Variants in NUBPL observed in about 807,000 individuals in gnomAD.
The protein encoded by NUBPL is NUBP iron-sulfur cluster assembly factor, mitochondrial.
Under a neutral mutation model 45.7 loss-of-function variants are expected in NUBPL, and 31 were observed. The ratio of observed to expected loss-of-function variants is 0.68; its 90% confidence interval spans 0.51 to 0.92. The LOEUF (loss-of-function observed/expected upper bound fraction) is 0.92, where lower values mean the gene tolerates loss of function less well. Ranked by LOEUF, NUBPL falls within the 40% of genes least tolerant of loss-of-function variation. The pLI, the probability that NUBPL is intolerant of heterozygous loss-of-function variation, is 0.00. For synonymous variants in NUBPL, 144 were observed against 140.9 expected, an observed-to-expected ratio of 1.02 and a Z score of -0.15; for missense variants, 401 against 398.7, an observed-to-expected ratio of 1.01 and a Z score of -0.05.
At chr14:31,845,902 T>A (rs1363845540) in intron 8 of NUBPL, 2 of 153,072 alleles carry the variant, frequency 1.3e-5, no homozygotes, top group Non-Finnish European at 2.9e-5. Flanking sequence ...AAAAATCTGA[T>A]TGTATAACTA....
intron 4 of NUBPL, among the ~76,000 whole-genome samples, chr14:31,601,429 A>C (rs575111343): frequency 5.9e-5 from 9 of 152,102 alleles, no homozygotes; most frequent in African/African-American, 1.9e-4. Context: ...CTTTTATTTC[A>C]CTGAGCAGTG....
intron 6 of NUBPL, among the ~76,000 whole-genome samples, chr14:31,754,736 T>C (rs1198211363): frequency 2.0e-5 from 3 of 151,472 alleles, no homozygotes; most frequent in Non-Finnish European, 4.4e-5. Context: ...TTAGGGTACA[T>C]GTGCACAATG....
At chr14:31,758,580 T>C (rs2038726876) in intron 6 of NUBPL, among the ~76,000 whole-genome samples, 1 of 152,194 alleles carries the variant, frequency 6.6e-6, no homozygotes, top group South Asian at 2.1e-4. Flanking sequence ...TGTGTGTTTA[T>C]ATGTGATATG....
intron 6 of NUBPL, among the ~76,000 whole-genome samples, chr14:31,732,538 A>G (rs1307920449): frequency 4.2e-5 from 6 of 144,380 alleles, no homozygotes; most frequent in Admixed American, 6.9e-5. Flanking sequence ...TTGCTTATTT[A>G]TCTTTAAAAT....
At chr14:31,650,540 C>T (rs1056407243) in intron 4 of NUBPL, among the ~76,000 whole-genome samples, 5 of 152,262 alleles carry the variant, frequency 3.3e-5, no homozygotes, top group Middle Eastern at 3.4e-3. Flanking sequence ...CCACCCATGT[C>T]GGCCTCCCAA....
chr14:31,574,302 C>A (rs2033662820), intron 3 of NUBPL, among the ~76,000 whole-genome samples: 1 of 151,626 alleles, frequency 6.6e-6, no homozygotes. Flanking sequence ...CTTACTCTGT[C>A]ACCCAGGCTG....
chr14:31,805,874 A>G (rs12589034), intron 7 of NUBPL, among the ~76,000 whole-genome samples: 58,359 of 151,988 alleles, frequency 0.38, 13,083 homozygotes, highest in East Asian at 0.61. Context: ...TTACCTATAT[A>G]ACAAAACTTC....
intron 6 of NUBPL, among the ~76,000 whole-genome samples, chr14:31,774,736 G>A (rs1320393028): frequency 6.6e-6 from 1 of 152,136 alleles, no homozygotes; most frequent in Non-Finnish European, 1.5e-5. Flanking sequence ...TATTATTTGA[G>A]GAAAACATGT....
chr14:31,827,350 TAA>T (rs11451016), intron 8 of NUBPL, among the ~76,000 whole-genome samples: 6 of 139,488 alleles, frequency 4.3e-5, no homozygotes, highest in African/African-American at 5.4e-5. Flanking sequence ...TCTACAAAGT[TAA>T]AAAAAAAAAA....
At chr14:31,606,084 TTTTTC>T (rs202023666) in intron 4 of NUBPL, among the ~76,000 whole-genome samples, 99 of 143,740 alleles carry the variant, frequency 6.9e-4, no homozygotes, top group Admixed American at 2.3e-3. Context: ...TTCATCTTCC[TTTTTC>T]TTTTCTTTTC....
At chr14:31,799,558 A>G (rs1369165875) in intron 7 of NUBPL, among the ~76,000 whole-genome samples, 2 of 152,246 alleles carry the variant, frequency 1.3e-5, no homozygotes, top group African/African-American at 2.4e-5. Context: ...ATCGTAATCA[A>G]GCAAGTTGCA....
chr14:31,620,795 C>T (rs1398527067), intron 4 of NUBPL, among the ~76,000 whole-genome samples: 1 of 152,226 alleles, frequency 6.6e-6, no homozygotes, highest in East Asian at 1.9e-4. Flanking sequence ...TGCACCTTAT[C>T]AGAGCTCGAA....
Position 31,846,531 on chromosome 14 carries a change from C to G in NUBPL, c.754C>G (p.His252Asp), listed in dbSNP as rs1184273101. ...GTGTCCAAAATGTAAACACAAAACT[C>G]ATATTTTTGGTGCTGATGGTGCAAG... ...FQCPKCKHKT[H>D]IFGADGARKL... The change falls in exon 9 of 11, where the codon CAT (histidine) becomes GAT (aspartate). Residue 252 changes from histidine (H) to aspartate (D), a missense_variant. Transcript: ENST00000281081. 1 of 1,613,374 alleles carries G rather than the reference C, an allele frequency of 6.2e-7. No homozygotes were observed. The highest frequency in any genetic ancestry group is 1.7e-5 in the Admixed American group (1 of 59,954).
chr14:31,799,264 A>G (rs1012808247), intron 7 of NUBPL, among the ~76,000 whole-genome samples: 69 of 152,160 alleles, frequency 4.5e-4, no homozygotes, highest in Non-Finnish European at 2.1e-4. Context: ...TATAGTGTAC[A>G]TGTAGTTTCT....
At chr14:31,644,706 T>A (rs2035796964) in intron 4 of NUBPL, among the ~76,000 whole-genome samples, 2 of 152,156 alleles carry the variant, frequency 1.3e-5, no homozygotes. Flanking sequence ...TGTTTGTGAA[T>A]TTTTTGTCTA....
intron 6 of NUBPL, among the ~76,000 whole-genome samples, chr14:31,730,913 G>C (rs2038036096): frequency 6.6e-6 from 1 of 152,036 alleles, no homozygotes; most frequent in African/African-American, 2.4e-5. Context: ...TCAGTGCACA[G>C]GCAAAGATAA....
At chr14:31,640,809 A>G (rs527855157) in intron 4 of NUBPL, among the ~76,000 whole-genome samples, 17 of 152,242 alleles carry the variant, frequency 1.1e-4, no homozygotes, top group Admixed American at 9.8e-4. Flanking sequence ...GGTAATGGGG[A>G]CATCGATCAC....
chr14:31,661,295 G>A (rs2036262311), intron 4 of NUBPL, among the ~76,000 whole-genome samples: 1 of 152,122 alleles, frequency 6.6e-6, no homozygotes, highest in Non-Finnish European at 1.5e-5. Context: ...GCTAATAATG[G>A]CCTCTTCAAA....
intron 6 of NUBPL, among the ~76,000 whole-genome samples, chr14:31,680,290 A>AT (rs1399540697): frequency 6.6e-6 from 1 of 152,118 alleles, no homozygotes; most frequent in Non-Finnish European, 1.5e-5. Context: ...TAGAAGAGAC[A>AT]TCCTGGCCTT....
Sources: gnomAD v4.1 joint callset for allele counts (sites outside exome capture counted in the v4.1 genomes callset) on GRCh38, gnomAD v4.1.1 for gene constraint, MANE v1.5 for transcripts, NCBI Gene and HGNC (gene_info 2026-07-23, HGNC 2026-07-21) for gene names.